The following EXOC6 variants were observed in gnomAD, a reference collection of about 807,000 sequenced individuals.
The protein encoded by EXOC6 is SEC15-like 1.
EXOC6 carries 60 observed loss-of-function variants against 112.5 expected under a neutral mutation model. That is an observed-to-expected ratio of 0.53 (90% CI 0.43 to 0.66). EXOC6 has a LOEUF of 0.66. EXOC6 is among the 30% of genes least tolerant of loss of function. EXOC6 has a pLI of 0.00. For synonymous variants in EXOC6, 295 were observed against 308.0 expected, an observed-to-expected ratio of 0.96 and a Z score of 0.44; for missense variants, 855 against 957.1, an observed-to-expected ratio of 0.89 and a Z score of 1.41.
At chr10:92,867,433 C>T (rs1564786273) in intron 1 of EXOC6, among the ~76,000 whole-genome samples, 1 of 152,054 alleles carries the variant, frequency 6.6e-6, no homozygotes, top group Non-Finnish European at 1.5e-5. Context: ...CCCAGAGAAA[C>T]AGGCAGCAAA....
intron 18 of EXOC6, among the ~76,000 whole-genome samples, chr10:92,981,453 T>C (rs1842821507): frequency 6.6e-6 from 1 of 152,224 alleles, no homozygotes; most frequent in Non-Finnish European, 1.5e-5. Context: ...GACATGTAAA[T>C]GACAGTGAGT....
In EXOC6 at chr10:92,946,093, A is replaced by G. The variant is rs554330113; in HGVS notation, c.1311-2181A>G. 4.3e-4 allele frequency among the ~76,000 whole-genome samples: 65 copies of G among 151,800 alleles called. No individual in the cohort carries two copies. The South Asian group carries it at 0.013, about 31-fold the overall frequency. ...ATCACCAGGTCAGGAGATTGAGACC[A>G]TCCTGGCTAACACAGTGGAACCCCG... On this transcript the variant is annotated intron_variant, in intron 13 of 21. Transcript: ENST00000260762.
chr10:92,931,452 A>ATG (rs140473527), intron 9 of EXOC6, among the ~76,000 whole-genome samples: 1 of 110,442 alleles, frequency 9.1e-6, no homozygotes, highest in African/African-American at 2.6e-5. Flanking sequence ...ATTTTGATAC[A>ATG]TATATATATA....
chr10:93,046,755 G>A (rs1011334726), intron 20 of EXOC6, among the ~76,000 whole-genome samples: 1 of 151,926 alleles, frequency 6.6e-6, no homozygotes. Flanking sequence ...CCACCACCAC[G>A]CCCGACTAAT....
chr10:92,955,524 G>C lies in EXOC6; in HGVS notation c.1639-56G>C, dbSNP rs1382183731. On this transcript the variant is annotated intron_variant, in intron 16 of 21. Coordinates refer to ENST00000260762, the MANE Select transcript of EXOC6 (RefSeq NM_019053.6). ...GTAATAATCCCATTTTTAAAAATTAGGTGATTTTACATACATGTAACCTGT... is the reference window on the plus strand; with the variant it reads ...GTAATAATCCCATTTTTAAAAATTACGTGATTTTACATACATGTAACCTGT... 9 of 1,393,454 alleles carry C rather than the reference G, an allele frequency of 6.5e-6. No homozygotes were observed. In the East Asian group the frequency reaches 2.1e-4, roughly 32 times the overall value. The allele number at this position is 1,393,454 out of a possible 1,614,324, so 86.3% of individuals were successfully genotyped here.
intron 17 of EXOC6, among the ~76,000 whole-genome samples, chr10:92,963,892 T>C (rs1378173650): frequency 6.6e-6 from 1 of 152,120 alleles, no homozygotes; most frequent in Non-Finnish European, 1.5e-5. Flanking sequence ...TCTTAGTTCA[T>C]TATGGAGCAG....
At chr10:92,860,530 G>C (rs1185355189) in intron 1 of EXOC6, among the ~76,000 whole-genome samples, 1 of 152,062 alleles carries the variant, frequency 6.6e-6, no homozygotes, top group Non-Finnish European at 1.5e-5. Context: ...CAAAGTGCTG[G>C]GATGACAGGC....
Position 92,974,144 on chromosome 10 carries a change from T to C in EXOC6, c.1865T>C (p.Met622Thr). The change falls in exon 18 of 22, where the codon ATG (methionine) becomes ACG (threonine). Residue 622 changes from methionine (M) to threonine (T), a missense_variant. By Grantham distance (81) the Met-to-Thr change is moderately conservative (BLOSUM62 -1). This residue lies in a region of EXOC6 where 450 missense variants were observed against 563.5 expected (regional missense o/e 0.80). Coordinates refer to ENST00000260762, the MANE Select transcript of EXOC6 (RefSeq NM_019053.6). ...FVQLADYDWTMSEPDGRASGY... is the reference protein window; with the variant it reads ...FVQLADYDWTTSEPDGRASGY... ...CAGCTTGCTGATTATGACTGGACAA[T>C]GTCTGAGCCAGATGGAAGAGCTAGT... 1.2e-6 allele frequency: 2 copies of C among 1,603,728 alleles called. No individual in the cohort carries two copies. The highest frequency in any genetic ancestry group is 1.7e-6 in the Non-Finnish European group (2 of 1,177,702).
intron 1 of EXOC6, among the ~76,000 whole-genome samples, chr10:92,873,757 A>G (rs998251190): frequency 6.6e-6 from 1 of 152,134 alleles, no homozygotes; most frequent in African/African-American, 2.4e-5. Flanking sequence ...TGGTGAAAGA[A>G]ATTGGATTCT....
intron 19 of EXOC6, chr10:92,999,462 C>T: frequency 6.8e-6 from 2 of 292,592 alleles, no homozygotes; most frequent in South Asian, 2.9e-5. Context: ...CTTATGAGAT[C>T]ATTCCAGTAT....
At chr10:92,858,507 C>T (rs2133665195) in intron 1 of EXOC6, among the ~76,000 whole-genome samples, 1 of 151,990 alleles carries the variant, frequency 6.6e-6, no homozygotes, top group East Asian at 1.9e-4. Context: ...ACTGATTCTT[C>T]CTTCTGCCAA....
intron 1 of EXOC6, among the ~76,000 whole-genome samples, chr10:92,863,191 A>G (rs79771889): frequency 0.011 from 1,638 of 152,368 alleles, 33 homozygotes; most frequent in African/African-American, 0.037. Flanking sequence ...AGTTTGATCA[A>G]TGAAAACACA....
In EXOC6 at chr10:92,921,924, C is replaced by T. The variant is rs116035597; in HGVS notation, c.888+1874C>T. ...ATAACTTCTGGCTGGTATATATAACCAAAAATTATTTGGTAAAGCTAATTT... is the reference window on the plus strand; with the variant it reads ...ATAACTTCTGGCTGGTATATATAACTAAAAATTATTTGGTAAAGCTAATTT... On this transcript the variant is annotated intron_variant, in intron 8 of 21. Coordinates refer to ENST00000260762, the MANE Select transcript of EXOC6 (RefSeq NM_019053.6). Among the ~76,000 whole-genome samples, 337 of 151,952 alleles carry T rather than the reference C, an allele frequency of 2.2e-3. 1 individual carries two copies. The highest frequency in any genetic ancestry group is 7.5e-3 in the African/African-American group (310 of 41,460).
At chr10:93,012,685 A>G (rs780624622) in intron 19 of EXOC6, among the ~76,000 whole-genome samples, 17 of 152,214 alleles carry the variant, frequency 1.1e-4, no homozygotes, top group Admixed American at 6.5e-5. Flanking sequence ...TCCAAGAACT[A>G]TATAGGCTGA....
rs1243993344 is a variant in EXOC6, at chr10:93,059,094, A to C, written c.*739A>C. ...GGTTTGGTTCCAGTTAAAAGAGAGGACAGGAACTAAATGGGGCTAACCACT... is the reference window on the plus strand; with the variant it reads ...GGTTTGGTTCCAGTTAAAAGAGAGGCCAGGAACTAAATGGGGCTAACCACT... On this transcript the variant is annotated 3_prime_UTR_variant, in exon 22 of 22. Transcript: ENST00000260762. The C allele has an allele frequency of 6.6e-6, 1 of 152,182 alleles. No homozygotes were observed. Among genetic ancestry groups the C allele is most frequent in the African/African-American group, 2.4e-5 (1 of 41,416 alleles). The allele number at this position is 152,182 out of a possible 1,614,324, so 9.4% of individuals were successfully genotyped here.
intron 20 of EXOC6, among the ~76,000 whole-genome samples, chr10:93,035,641 G>A (rs1449870431): frequency 1.3e-5 from 2 of 152,130 alleles, no homozygotes; most frequent in African/African-American, 4.8e-5. Context: ...GATCACTTGA[G>A]GCCAGGAGCT....
At chr10:92,877,539 G>A (rs1182194794) in intron 1 of EXOC6, among the ~76,000 whole-genome samples, 1 of 152,054 alleles carries the variant, frequency 6.6e-6, no homozygotes, top group East Asian at 1.9e-4. Context: ...TAATACAGAT[G>A]GAAAAAGATG....
chr10:92,909,748 A>G (rs956014723), intron 6 of EXOC6, 117 bp downstream of exon 6: 46 of 650,486 alleles, frequency 7.1e-5, no homozygotes, highest in Non-Finnish European at 8.4e-5. Context: ...CCTTTTTCTT[A>G]TCTTTTCTGG....
chr10:93,036,597 A>G (rs1192020942), intron 20 of EXOC6, among the ~76,000 whole-genome samples: 1 of 152,192 alleles, frequency 6.6e-6, no homozygotes, highest in Non-Finnish European at 1.5e-5. Flanking sequence ...CACTTGTGTA[A>G]GTATTTCTGT....
Sources: gnomAD v4.1 joint callset for allele counts (sites outside exome capture counted in the v4.1 genomes callset) on GRCh38, gnomAD v4.1.1 for gene constraint, gnomAD v4.1.1 regional missense constraint, MANE v1.5 for transcripts, NCBI Gene and HGNC (gene_info 2026-07-23, HGNC 2026-07-21) for gene names.